The following ATP2C2 variants were observed in gnomAD, a reference collection of about 807,000 sequenced individuals.
ATP2C2 encodes calcium-transporting ATPase type 2C member 2.
Under a neutral mutation model 110.8 loss-of-function variants are expected in ATP2C2, and 171 were observed. The ratio of observed to expected loss-of-function variants is 1.54; its 90% confidence interval spans 1.36 to 1.75. The LOEUF (loss-of-function observed/expected upper bound fraction) is 1.75, where lower values mean the gene tolerates loss of function less well. Ranked by LOEUF, ATP2C2 falls within the 40% of genes most tolerant of loss-of-function variation. The pLI, the probability that ATP2C2 is intolerant of heterozygous loss-of-function variation, is 0.00. For missense variants in ATP2C2, 1,963 were observed against 1,235.0 expected (o/e 1.59, Z -8.84); for synonymous variants, 804 against 508.4 (o/e 1.58, Z -7.82).
chr16:84,382,142 C>T (rs1910612238), intron 1 of ATP2C2, among the ~76,000 whole-genome samples: 1 of 152,144 alleles, frequency 6.6e-6, no homozygotes, highest in East Asian at 1.9e-4. Context: ...CCTCTCCCCA[C>T]ACCCCCTGAC....
intron 3 of ATP2C2, among the ~76,000 whole-genome samples, chr16:84,406,960 A>C (rs537813103): frequency 6.6e-6 from 1 of 152,056 alleles, no homozygotes; most frequent in South Asian, 2.1e-4. Flanking sequence ...CCCAAAATGA[A>C]ATCTCTTAAA....
At chr16:84,446,471 C>G (rs755791265) in intron 16 of ATP2C2, 41 bp downstream of exon 16, 2 of 1,439,536 alleles carry the variant, frequency 1.4e-6, no homozygotes, top group African/African-American at 2.9e-5. Flanking sequence ...TCTTTCTGCC[C>G]GGGCCCCCAC....
At chr16:84,391,012 G>C (rs960864663) in intron 1 of ATP2C2, among the ~76,000 whole-genome samples, 2 of 150,736 alleles carry the variant, frequency 1.3e-5, no homozygotes, top group Admixed American at 6.6e-5. Flanking sequence ...TACTCGAGTG[G>C]GTGAGGCAGG....
chr16:84,395,508 G>A (rs970232434), intron 1 of ATP2C2, among the ~76,000 whole-genome samples: 2 of 151,310 alleles, frequency 1.3e-5, no homozygotes, highest in South Asian at 4.2e-4. Context: ...GCCCAGGCTG[G>A]AGTGCAGTGG....
chr16:84,449,319 G>A (rs1054937835), intron 17 of ATP2C2, among the ~76,000 whole-genome samples: 10 of 152,224 alleles, frequency 6.6e-5, no homozygotes, highest in East Asian at 3.8e-4. Context: ...TGTACGGGGC[G>A]AGACCCTTGC....
intron 21 of ATP2C2, among the ~76,000 whole-genome samples, chr16:84,455,550 T>A (rs1910716606): frequency 1.9e-5 from 2 of 107,756 alleles, no homozygotes; most frequent in Admixed American, 2.3e-4. Context: ...TATTTTTTTC[T>A]TAATACATTT....
At chr16:84,397,655 C>CAAAAAAAAAAAAAAAGAAAAAAAA (rs1905071469) in intron 1 of ATP2C2, among the ~76,000 whole-genome samples, 1 of 63,512 alleles carries the variant, frequency 1.6e-5, no homozygotes, top group African/African-American at 4.4e-5. Flanking sequence ...GCCTGGGTGA[C>CAAAAAAAAAAAAAAAGAAAAAAAA]AAAAAAAAAA....
intron 6 of ATP2C2, among the ~76,000 whole-genome samples, chr16:84,411,978 T>C (rs1431582602): frequency 6.6e-6 from 1 of 151,906 alleles, no homozygotes; most frequent in East Asian, 1.9e-4. Flanking sequence ...TTCTCTTCTT[T>C]CTTTTCCTTT....
chr16:84,461,655 G>A (rs1361830086), intron 24 of ATP2C2, 59 bp from the exon 25 acceptor site: 2 of 1,505,046 alleles, frequency 1.3e-6, no homozygotes, highest in African/African-American at 1.4e-5. Flanking sequence ...GTGCCCTTTG[G>A]TTCAGGATGG....
intron 2 of ATP2C2, among the ~76,000 whole-genome samples, chr16:84,401,972 T>G (rs1905353797): frequency 6.6e-6 from 1 of 152,212 alleles, no homozygotes; most frequent in South Asian, 2.1e-4. Context: ...ACATGGAATA[T>G]CTTTCCATTT....
At chr16:84,417,637 A>T (rs1906957153) in intron 7 of ATP2C2, among the ~76,000 whole-genome samples, 1 of 152,184 alleles carries the variant, frequency 6.6e-6, no homozygotes, top group Non-Finnish European at 1.5e-5. Flanking sequence ...CATACCTGTC[A>T]TCCCAATACT....
At chr16:84,379,255 C>T (rs148674410) in intron 1 of ATP2C2, among the ~76,000 whole-genome samples, 314 of 151,800 alleles carry the variant, frequency 2.1e-3, no homozygotes, top group African/African-American at 7.3e-3. Context: ...AATCATGGCT[C>T]ACTGCAGTCT....
intron 1 of ATP2C2, among the ~76,000 whole-genome samples, chr16:84,384,237 C>T (rs1275956049): frequency 6.6e-6 from 1 of 152,206 alleles, no homozygotes; most frequent in Non-Finnish European, 1.5e-5. Flanking sequence ...GTTGCCACGT[C>T]CCTCTGTTTC....
At chr16:84,419,101 C>T (rs981556212) in intron 7 of ATP2C2, among the ~76,000 whole-genome samples, 1 of 148,732 alleles carries the variant, frequency 6.7e-6, no homozygotes, top group East Asian at 2.0e-4. Flanking sequence ...CCCAGCTACT[C>T]AGGAGACTGA....
At chr16:84,423,376 G>A in intron 10 of ATP2C2, 113 bp downstream of exon 10, 3 of 1,011,350 alleles carry the variant, frequency 3.0e-6, no homozygotes, top group Middle Eastern at 2.5e-4. Context: ...CATAAGGCTT[G>A]GGGATTGGGA....
At position 84,405,186 on chromosome 16, in the gene ATP2C2, G is replaced by A; in HGVS notation, c.269G>A (p.Gly90Asp). 1 of 1,614,178 alleles carries A rather than the reference G, an allele frequency of 6.2e-7. No homozygotes were observed. The highest frequency in any genetic ancestry group is 8.5e-7 in the Non-Finnish European group (1 of 1,180,046). Residue 90 changes from glycine (G) to aspartate (D), a missense_variant, in exon 3 of 27, where the codon GGC becomes GAC. By Grantham distance (94) the Gly-to-Asp change is moderately conservative. Coordinates refer to ENST00000262429, the MANE Select transcript of ATP2C2 (RefSeq NM_014861.4). Reference protein sequence around the residue: ...FSVTQRRLAHGWNEFVADNSE... With the variant: ...FSVTQRRLAHDWNEFVADNSE... ...GTGACGCAGCGCCGGCTGGCCCATG[G>A]CTGGAATGAGTTTGTTGCTGACAAC...
At chr16:84,379,163 T>TCCTCC (rs1176646343) in intron 1 of ATP2C2, among the ~76,000 whole-genome samples, 1 of 122,884 alleles carries the variant, frequency 8.1e-6, no homozygotes, top group Non-Finnish European at 1.7e-5. Context: ...CCCTCCCCTC[T>TCCTCC]CCTACCCTCC....
At chr16:84,397,652 T>G (rs1468307109) in intron 1 of ATP2C2, among the ~76,000 whole-genome samples, 3 of 2,320 alleles carry the variant, frequency 1.3e-3, no homozygotes, top group Non-Finnish European at 3.7e-3. Context: ...CCAGCCTGGG[T>G]GACAAAAAAA....
chr16:84,447,660 TATATATTAC>T (rs200115431), intron 16 of ATP2C2, among the ~76,000 whole-genome samples: 74 of 139,906 alleles, frequency 5.3e-4, no homozygotes, highest in Middle Eastern at 3.6e-3. Flanking sequence ...TAATATGTAA[TATATATTAC>T]ATATATTACA....
Sources: allele counts gnomAD v4.1 joint callset (sites outside exome capture counted in the v4.1 genomes callset), GRCh38; gene constraint gnomAD v4.1.1; transcripts MANE v1.5; gene names NCBI Gene and HGNC (gene_info 2026-07-23, HGNC 2026-07-21).